The following LIN54 variants were observed in gnomAD, a reference collection of about 807,000 sequenced individuals.
LIN54 encodes the protein protein lin-54 homolog.
A neutral mutation model predicts 78.7 loss-of-function variants in LIN54; 9 were observed. The ratio of observed to expected loss-of-function variants is 0.11; its 90% CI spans 0.07 to 0.20. LIN54 has a LOEUF of 0.20. Ranked by LOEUF, LIN54 falls within the 10% of genes least tolerant of loss-of-function variation. The probability of loss-of-function intolerance (pLI) is 1.00; values close to 1 mark genes in which losing one functional copy is unlikely to be tolerated. For synonymous variants in LIN54, 269 were observed against 318.4 expected (o/e 0.84, Z 1.65); for missense variants, 573 against 889.9 (o/e 0.64, Z 4.53).
intron 3 of LIN54, among the ~76,000 whole-genome samples, chr4:82,971,456 T>C (rs1294670538): frequency 6.6e-6 from 1 of 152,088 alleles, no homozygotes; most frequent in Admixed American, 6.6e-5. Context: ...TGTCCCTGAG[T>C]TGCTATGAAG....
intron 3 of LIN54, among the ~76,000 whole-genome samples, chr4:82,972,698 T>C (rs115813923): frequency 0.011 from 1,639 of 152,316 alleles, 15 homozygotes; most frequent in Non-Finnish European, 0.017. Flanking sequence ...AATATTCATA[T>C]AGAGCTGGAC....
chr4:82,996,532 A>G (rs1002335498), intron 1 of LIN54, among the ~76,000 whole-genome samples: 2 of 151,918 alleles, frequency 1.3e-5, no homozygotes, highest in Non-Finnish European at 2.9e-5. Context: ...CAGCCTCCCA[A>G]GTATCTGGGA....
At chr4:83,005,538 T>G (rs2126114433) in intron 1 of LIN54, among the ~76,000 whole-genome samples, 1 of 147,554 alleles carries the variant, frequency 6.8e-6, no homozygotes, top group East Asian at 2.0e-4. Flanking sequence ...GCTACGAGAA[T>G]CACTTGAACA....
intron 4 of LIN54, among the ~76,000 whole-genome samples, chr4:82,957,356 A>G (rs1724414066): frequency 6.6e-6 from 1 of 152,214 alleles, no homozygotes; most frequent in South Asian, 2.1e-4. Flanking sequence ...CCACACAGAC[A>G]TTGCCTAACT....
At chr4:82,982,430 A>G (rs1168600489) in intron 2 of LIN54, among the ~76,000 whole-genome samples, 1 of 152,074 alleles carries the variant, frequency 6.6e-6, no homozygotes, top group Admixed American at 6.5e-5. Context: ...GGGTTTCACT[A>G]TGTTGCCCAG....
At chr4:82,929,139 G>A (rs1054761665) in intron 12 of LIN54, among the ~76,000 whole-genome samples, 1 of 152,210 alleles carries the variant, frequency 6.6e-6, no homozygotes, top group African/African-American at 2.4e-5. Flanking sequence ...CCATGCAGCT[G>A]TATAGGAATC....
Position 82,953,661 on chromosome 4 carries a change from G to A in LIN54, c.952-7187C>T, listed in dbSNP as rs1430618594. ...CAAGCTAAGTTATGAAAATCAGTCA[G>A]TATCGCCCTGGCATGCAATGGCTCA... On this transcript the variant is annotated intron_variant, in intron 4 of 12. Transcript: ENST00000340417. Among the ~76,000 whole-genome samples the A allele has an allele frequency of 3.9e-5, 6 of 152,206 alleles. No individual in the cohort carries two copies. In the East Asian group the frequency reaches 1.2e-3, roughly 29 times the overall value.
In LIN54 at chr4:82,939,659, G is replaced by A; in HGVS notation, c.1320C>T (p.Ala440=). The part of the protein sequence containing the change: ...SQPQQRLIMP[A]TPLPQIQPNL... ...TGGGCTGGATCTGTGGCAGTGGTGT[G>A]GCAGGCATGATAAGCCGTTGCTGTG... is the stretch of plus-strand genomic sequence containing the variant. Residue 440 remains alanine (A), a synonymous_variant, in exon 7 of 13, where the codon GCC becomes GCT. Coordinates refer to ENST00000340417, the MANE Select transcript of LIN54 (RefSeq NM_194282.4). The A allele has an allele frequency of 6.2e-7, 1 of 1,614,060 alleles. No individual in the cohort carries two copies. The highest frequency in any genetic ancestry group is 8.5e-7 in the Non-Finnish European group (1 of 1,179,890).
chr4:82,980,351 A>T (rs902523031), intron 2 of LIN54, among the ~76,000 whole-genome samples: 15 of 152,148 alleles, frequency 9.9e-5, no homozygotes, highest in Admixed American at 3.9e-4. Context: ...ACTATTTATT[A>T]TAGGAAATAG....
chr4:82,936,778 T>C (rs1265597724), intron 9 of LIN54, among the ~76,000 whole-genome samples: 1 of 152,238 alleles, frequency 6.6e-6, no homozygotes, highest in Admixed American at 6.5e-5. Flanking sequence ...TGAGTTATAG[T>C]AATAGTACTT....
intron 4 of LIN54, among the ~76,000 whole-genome samples, chr4:82,955,383 A>ACATAT (rs1724213331): frequency 6.6e-6 from 1 of 151,444 alleles, no homozygotes. Context: ...ACATAACATA[A>ACATAT]CATAACATAA....
chr4:82,984,075 T>G, intron 2 of LIN54, 86 bp downstream of exon 2: 1 of 884,226 alleles, frequency 1.1e-6, no homozygotes, highest in Non-Finnish European at 1.7e-6. Context: ...CAACTATGTA[T>G]TTAGTAACCC....
chr4:82,946,862 G>A (rs1723397091), intron 4 of LIN54, among the ~76,000 whole-genome samples: 1 of 151,918 alleles, frequency 6.6e-6, no homozygotes, highest in Non-Finnish European at 1.5e-5. Context: ...ATAGATGGTT[G>A]GCATTATTGC....
chr4:82,973,413 A>G (rs986528587), intron 3 of LIN54, among the ~76,000 whole-genome samples: 1 of 152,170 alleles, frequency 6.6e-6, no homozygotes, highest in African/African-American at 2.4e-5. Flanking sequence ...ATTTCTGATT[A>G]TCTAATCTAA....
intron 1 of LIN54, among the ~76,000 whole-genome samples, chr4:82,997,090 AC>A (rs2126102506): frequency 6.6e-6 from 1 of 152,060 alleles, no homozygotes; most frequent in East Asian, 1.9e-4. Context: ...TCACTACTGA[AC>A]CCCCATCCCC....
chr4:82,979,859 C>T (rs1182503772), intron 2 of LIN54, among the ~76,000 whole-genome samples: 1 of 145,664 alleles, frequency 6.9e-6, no homozygotes, highest in Non-Finnish European at 1.5e-5. Flanking sequence ...ATTGCTTGAA[C>T]CCGGGAGCAG....
chr4:82,926,265 GATT>G lies in LIN54; in HGVS notation c.*1834_*1836del, dbSNP rs1239056198. ...ATTGCAATCTTTTGAAAAATAACTT[GATT>G]ATTATTTTACCCTCTTACACTAATT... is the stretch of plus-strand genomic sequence containing the variant. On this transcript the variant is annotated 3_prime_UTR_variant, in exon 13 of 13. Transcript: ENST00000340417. The G allele has an allele frequency of 5.3e-5, 8 of 152,212 alleles. No individual in the cohort carries two copies. The highest frequency in any genetic ancestry group is 1.7e-4 in the African/African-American group (7 of 41,290). The allele number at this position is 152,212 out of a possible 1,614,324, so 9.4% of individuals were successfully genotyped here.
intron 11 of LIN54, among the ~76,000 whole-genome samples, chr4:82,932,658 A>C (rs1376234189): frequency 7.3e-6 from 1 of 136,082 alleles, no homozygotes; most frequent in South Asian, 2.3e-4. Context: ...ATCTCTCTTT[A>C]AAAAAAAAAA....
At chr4:82,993,552 C>T (rs1727927784) in intron 1 of LIN54, among the ~76,000 whole-genome samples, 1 of 151,768 alleles carries the variant, frequency 6.6e-6, no homozygotes, top group African/African-American at 2.4e-5. Context: ...TCAGGGTTCA[C>T]CAAAATACTA....
Sources: gnomAD v4.1 joint callset for allele counts (sites outside exome capture counted in the v4.1 genomes callset) on GRCh38, gnomAD v4.1.1 for gene constraint, MANE v1.5 for transcripts, NCBI Gene and HGNC (gene_info 2026-07-23, HGNC 2026-07-21) for gene names.